The following TTBK2 variants were observed in gnomAD, a reference collection of about 807,000 sequenced individuals.
TTBK2 encodes the protein tau tubulin kinase 2.
A neutral mutation model predicts 110.8 loss-of-function variants in TTBK2; 28 were observed. That is an observed-to-expected ratio of 0.25 (90% CI 0.19 to 0.35). The LOEUF is 0.35. Ranked by LOEUF, TTBK2 falls within the 10% of genes least tolerant of loss-of-function variation. TTBK2 has a pLI of 1.00. For synonymous variants in TTBK2, 532 were observed against 527.3 expected (o/e 1.01, Z -0.12); for missense variants, 1,369 against 1,500.3 (o/e 0.91, Z 1.45).
At chr15:42,893,667 GA>G (rs55859623) in intron 1 of TTBK2, among the ~76,000 whole-genome samples, 62,126 of 144,876 alleles carry the variant, frequency 0.43, 15,572 homozygotes, top group African/African-American at 0.72. Flanking sequence ...AAACGTCATA[GA>G]AAAAAAAAAA....
At chr15:42,768,012 C>T (rs964972092) in intron 13 of TTBK2, among the ~76,000 whole-genome samples, 8 of 152,238 alleles carry the variant, frequency 5.3e-5, no homozygotes, top group South Asian at 2.1e-4. Context: ...TGACAAAAAC[C>T]GTATGTTTAT....
chr15:42,780,094 C>T (rs992007583), intron 11 of TTBK2, among the ~76,000 whole-genome samples: 1 of 151,600 alleles, frequency 6.6e-6, no homozygotes, highest in African/African-American at 2.4e-5. Context: ...GCAAACTTGG[C>T]TCACTGCAGC....
At chr15:42,861,282 C>T (rs1894147726) in intron 3 of TTBK2, among the ~76,000 whole-genome samples, 2 of 152,102 alleles carry the variant, frequency 1.3e-5, no homozygotes, top group Admixed American at 6.6e-5. Flanking sequence ...GAATACTCCA[C>T]CCAATAACCA....
chr15:42,915,813 G>A (rs746027165), intron 1 of TTBK2, among the ~76,000 whole-genome samples: 1 of 152,118 alleles, frequency 6.6e-6, no homozygotes, highest in Non-Finnish European at 1.5e-5. Context: ...CAAGTGTGGT[G>A]GCACATGCCC....
chr15:42,893,215 G>A (rs1008379255), intron 1 of TTBK2, among the ~76,000 whole-genome samples: 1 of 152,238 alleles, frequency 6.6e-6, no homozygotes, highest in East Asian at 1.9e-4. Flanking sequence ...TGAAAAATGA[G>A]GCCAGGTGCA....
intron 9 of TTBK2, among the ~76,000 whole-genome samples, chr15:42,805,040 T>C (rs1891401200): frequency 1.3e-5 from 2 of 152,192 alleles, no homozygotes; most frequent in Non-Finnish European, 2.9e-5. Flanking sequence ...CATGTAAACA[T>C]AGTGTGACTC....
rs551440811 is a variant in TTBK2, at chr15:42,832,806, T to C, written c.292-2728A>G. On this transcript the variant is annotated intron_variant, in intron 4 of 14. Coordinates refer to ENST00000267890, the MANE Select transcript of TTBK2 (RefSeq NM_173500.4). ...TGTTACCTGCCCATTAATCACTTAG[T>C]GGCCCAATCAGTTACCCAGATGTCC... Among the ~76,000 whole-genome samples the C allele has an allele frequency of 4.6e-5, 7 of 152,312 alleles. No individual in the cohort carries two copies. The East Asian group carries it at 1.3e-3, about 29-fold the overall frequency.
chr15:42,861,619 T>C (rs1894161477), intron 3 of TTBK2, among the ~76,000 whole-genome samples: 1 of 152,032 alleles, frequency 6.6e-6, no homozygotes, highest in Non-Finnish European at 1.5e-5. Context: ...TTTGTAGCAC[T>C]AAATGCCTTT....
intron 9 of TTBK2, among the ~76,000 whole-genome samples, chr15:42,798,764 G>A (rs1240130617): frequency 6.6e-6 from 1 of 152,180 alleles, no homozygotes; most frequent in Admixed American, 6.5e-5. Context: ...AACAGTGTGA[G>A]AAACACCAGA....
intron 9 of TTBK2, chr15:42,802,090 T>C (rs1343417291): frequency 6.8e-7 from 1 of 1,460,712 alleles, no homozygotes; most frequent in African/African-American, 1.4e-5. Context: ...GAACCGTACC[T>C]TGTCTATGAA....
intron 9 of TTBK2, chr15:42,801,721 T>C (rs1266173997): frequency 1.2e-6 from 1 of 856,622 alleles, no homozygotes; most frequent in South Asian, 1.3e-5. Context: ...GCTCCCGATC[T>C]CCTCTTCATA....
intron 3 of TTBK2, among the ~76,000 whole-genome samples, chr15:42,861,731 A>G (rs1894165933): frequency 6.6e-6 from 1 of 152,174 alleles, no homozygotes. Flanking sequence ...AAGAAAATAA[A>G]TAAATAAAAT....
At chr15:42,918,502 A>G (rs2141227074) in intron 1 of TTBK2, among the ~76,000 whole-genome samples, 3 of 152,328 alleles carry the variant, frequency 2.0e-5, no homozygotes, top group Admixed American at 2.0e-4. Context: ...TTAAAGTTAT[A>G]AAGCATATAA....
At chr15:42,768,772 T>C (rs978444472) in intron 13 of TTBK2, among the ~76,000 whole-genome samples, 3 of 152,148 alleles carry the variant, frequency 2.0e-5, no homozygotes, top group South Asian at 2.1e-4. Context: ...TTAAAGTTCA[T>C]ATGGAACCAA....
chr15:42,900,900 G>A (rs1032996602), intron 1 of TTBK2, among the ~76,000 whole-genome samples: 1 of 152,034 alleles, frequency 6.6e-6, no homozygotes, highest in Non-Finnish European at 1.5e-5. Flanking sequence ...TTCAACAAGA[G>A]TCCCAAGATC....
intron 10 of TTBK2, among the ~76,000 whole-genome samples, chr15:42,789,600 G>A (rs1221440739): frequency 6.6e-6 from 1 of 152,072 alleles, no homozygotes; most frequent in African/African-American, 2.4e-5. Context: ...CAGCTGTGGT[G>A]ACGCAGGCCT....
At position 42,802,511 on chromosome 15, in the gene TTBK2, A is replaced by G. The variant is rs1891267416; in HGVS notation, c.823-7710T>C. On this transcript the variant is annotated intron_variant, in intron 9 of 14. Coordinates refer to ENST00000267890, the MANE Select transcript of TTBK2 (RefSeq NM_173500.4). ...CTTCTCTGCTCTTCTTGGGGATTTT[A>G]GCAACATTGGTAAAGAAAAAAATTT... 7 of 495,028 alleles carry G rather than the reference A, an allele frequency of 1.4e-5. No homozygotes were observed. In the South Asian group the frequency reaches 1.8e-4, roughly 13 times the overall value. 30.7% of individuals were successfully genotyped at this position (495,028 alleles called of 1,614,324 possible).
intron 1 of TTBK2, among the ~76,000 whole-genome samples, 151 bp downstream of exon 1, chr15:42,920,287 T>C (rs2031299141): frequency 6.6e-6 from 1 of 152,102 alleles, no homozygotes; most frequent in African/African-American, 2.4e-5. Context: ...TGACGGGGTC[T>C]GGCACGAGCC....
intron 3 of TTBK2, among the ~76,000 whole-genome samples, chr15:42,867,896 C>T (rs983483408): frequency 3.9e-5 from 6 of 152,108 alleles, no homozygotes; most frequent in African/African-American, 1.4e-4. Context: ...CCAAGATATC[C>T]CTCAGTAGGT....
Sources: allele counts gnomAD v4.1 joint callset (sites outside exome capture counted in the v4.1 genomes callset), GRCh38; gene constraint gnomAD v4.1.1; transcripts MANE v1.5; gene names NCBI Gene and HGNC (gene_info 2026-07-23, HGNC 2026-07-21).